The following MOXD1 variants were observed in gnomAD, a reference collection of about 807,000 sequenced individuals.
The protein encoded by MOXD1 is DBH-like monooxygenase protein 1.
MOXD1 carries 62 observed loss-of-function variants against 66.6 expected under a neutral mutation model. The ratio of observed to expected loss-of-function variants is 0.93; its 90% CI spans 0.76 to 1.15. The LOEUF is 1.15. MOXD1 is among the 50% of genes most tolerant of loss of function. The pLI is 0.00. For synonymous variants in MOXD1, 303 were observed against 281.9 expected (o/e 1.07, Z -0.75); for missense variants, 847 against 754.6 (o/e 1.12, Z -1.44).
At chr6:132,325,708 T>C (rs968509834) in intron 6 of MOXD1, among the ~76,000 whole-genome samples, 24 of 152,232 alleles carry the variant, frequency 1.6e-4, no homozygotes, top group African/African-American at 5.8e-4. Flanking sequence ...TGCTTCAGTT[T>C]TCCAGTATGG....
chr6:132,361,755 G>T (rs901538934), intron 4 of MOXD1, among the ~76,000 whole-genome samples: 6 of 152,042 alleles, frequency 3.9e-5, no homozygotes, highest in African/African-American at 1.4e-4. Context: ...ATAGCTCAAT[G>T]AAGCAAATCT....
At chr6:132,343,424 A>G (rs1270979390) in intron 4 of MOXD1, among the ~76,000 whole-genome samples, 3 of 152,162 alleles carry the variant, frequency 2.0e-5, no homozygotes, top group Middle Eastern at 3.4e-3. Flanking sequence ...AAAATACAAA[A>G]ATTAGCTGGG....
chr6:132,350,602 G>A (rs1775782567), intron 4 of MOXD1, among the ~76,000 whole-genome samples: 1 of 152,100 alleles, frequency 6.6e-6, no homozygotes, highest in African/African-American at 2.4e-5. Flanking sequence ...TGGCTATGCA[G>A]GCTCTTTTTT....
intron 10 of MOXD1, among the ~76,000 whole-genome samples, chr6:132,300,080 G>T (rs759439100): frequency 1.6e-4 from 24 of 151,872 alleles, no homozygotes; most frequent in South Asian, 4.2e-4. Context: ...AATATATATA[G>T]ATCTTTACAT....
At chr6:132,366,448 C>A (rs767402878) in intron 4 of MOXD1, among the ~76,000 whole-genome samples, 1 of 152,060 alleles carries the variant, frequency 6.6e-6, no homozygotes, top group Non-Finnish European at 1.5e-5. Context: ...CTAGACGGGG[C>A]AGTCTGTGCA....
At chr6:132,353,973 C>T (rs1775859777) in intron 4 of MOXD1, among the ~76,000 whole-genome samples, 1 of 152,142 alleles carries the variant, frequency 6.6e-6, no homozygotes, top group African/African-American at 2.4e-5. Flanking sequence ...CTTTCCAGAA[C>T]ATTTTGCATT....
intron 4 of MOXD1, among the ~76,000 whole-genome samples, chr6:132,355,879 C>A (rs182438015): frequency 2.6e-5 from 4 of 152,288 alleles, no homozygotes; most frequent in East Asian, 3.9e-4. Flanking sequence ...ATAAAAAATT[C>A]TGGTATGTTC....
At chr6:132,372,769 A>C (rs1776291587) in intron 3 of MOXD1, 61 bp downstream of exon 3, 2 of 1,609,362 alleles carry the variant, frequency 1.2e-6, no homozygotes, top group South Asian at 2.2e-5. Flanking sequence ...TGTAAGCAAA[A>C]ATGCTCGTAT....
chr6:132,398,517 G>A (rs1041157425), intron 1 of MOXD1, among the ~76,000 whole-genome samples: 3 of 152,126 alleles, frequency 2.0e-5, no homozygotes, highest in Non-Finnish European at 4.4e-5. Flanking sequence ...AGTGGCTGCT[G>A]TGCATTTATT....
At chr6:132,331,380 C>G (rs111818813) in intron 4 of MOXD1, among the ~76,000 whole-genome samples, 4 of 152,246 alleles carry the variant, frequency 2.6e-5, no homozygotes, top group African/African-American at 9.6e-5. Context: ...GTTTCAGAAA[C>G]TAGTGGCCTT....
intron 4 of MOXD1, among the ~76,000 whole-genome samples, chr6:132,343,189 C>G (rs1775598638): frequency 6.6e-6 from 1 of 152,104 alleles, no homozygotes; most frequent in African/African-American, 2.4e-5. Context: ...ACACTTATAT[C>G]AAACAAAAGG....
intron 9 of MOXD1, 54 bp downstream of exon 9, chr6:132,320,575 G>T: frequency 7.0e-7 from 1 of 1,425,650 alleles, no homozygotes; most frequent in Non-Finnish European, 9.6e-7. Context: ...CTAAAATCAA[G>T]TTTATTTCTT....
intron 4 of MOXD1, among the ~76,000 whole-genome samples, chr6:132,340,640 T>C (rs4897576): frequency 0.12 from 10,039 of 80,506 alleles, 1,056 homozygotes; most frequent in African/African-American, 0.39. Context: ...CAAGACTCAT[T>C]TTTTTTTTTT....
At chr6:132,302,115 T>TA (rs1774554144) in intron 10 of MOXD1, among the ~76,000 whole-genome samples, 1 of 152,022 alleles carries the variant, frequency 6.6e-6, no homozygotes, top group Non-Finnish European at 1.5e-5. Flanking sequence ...ATATTTAGGG[T>TA]AAAATCCACA....
At chr6:132,332,540 G>A (rs1486400771) in intron 4 of MOXD1, among the ~76,000 whole-genome samples, 1 of 152,134 alleles carries the variant, frequency 6.6e-6, no homozygotes, top group Non-Finnish European at 1.5e-5. Flanking sequence ...ACCACCATGG[G>A]GATATTAAGT....
chr6:132,300,663 A>G lies in MOXD1; in HGVS notation c.1509-2708T>C, dbSNP rs185169301. ...GCTATAATAATTTACTAAATTGCCT[A>G]TTATTGAGATTGTCCAACATAAAGT... On this transcript the variant is annotated intron_variant, in intron 10 of 11. Coordinates refer to ENST00000367963, the MANE Select transcript of MOXD1 (RefSeq NM_015529.4). Among the ~76,000 whole-genome samples, 6 of 152,304 alleles carry G rather than the reference A, an allele frequency of 3.9e-5. No homozygotes were observed. The East Asian group carries it at 5.8e-4, about 15-fold the overall frequency.
At chr6:132,354,430 G>C (rs761005669) in intron 4 of MOXD1, among the ~76,000 whole-genome samples, 5 of 152,138 alleles carry the variant, frequency 3.3e-5, no homozygotes, top group Non-Finnish European at 7.4e-5. Flanking sequence ...TCTCTTCTGG[G>C]TGTAGCCACC....
intron 1 of MOXD1, among the ~76,000 whole-genome samples, chr6:132,387,805 G>C (rs1313545251): frequency 6.8e-6 from 1 of 146,490 alleles, no homozygotes; most frequent in African/African-American, 2.5e-5. Context: ...AAATATTTAG[G>C]ATTATAACTA....
intron 10 of MOXD1, among the ~76,000 whole-genome samples, chr6:132,306,128 G>A (rs1774683503): frequency 6.6e-6 from 1 of 152,058 alleles, no homozygotes; most frequent in South Asian, 2.1e-4. Flanking sequence ...AAAAGGTTGA[G>A]GAACTGCTAA....
Sources: gnomAD v4.1 joint callset for allele counts (sites outside exome capture counted in the v4.1 genomes callset) on GRCh38, gnomAD v4.1.1 for gene constraint, MANE v1.5 for transcripts, NCBI Gene and HGNC (gene_info 2026-07-23, HGNC 2026-07-21) for gene names.